Variants in CNTN5 observed in about 807,000 individuals in gnomAD.
CNTN5 encodes the protein contactin 5.
Under a neutral mutation model 129.1 loss-of-function variants are expected in CNTN5, and 77 were observed. That is an observed-to-expected ratio of 0.60 (90% CI 0.50 to 0.72). The LOEUF (loss-of-function observed/expected upper bound fraction) is 0.72, where lower values mean the gene tolerates loss of function less well. Ranked by LOEUF, CNTN5 falls within the 30% of genes least tolerant of loss-of-function variation. The probability of loss-of-function intolerance (pLI) is 0.00; values close to 1 mark genes in which losing one functional copy is unlikely to be tolerated. For missense variants in CNTN5, 1,478 were observed against 1,328.8 expected (o/e 1.11, Z -1.75); for synonymous variants, 509 against 465.6 (o/e 1.09, Z -1.20).
intron 2 of CNTN5, among the ~76,000 whole-genome samples, chr11:99,332,335 C>A (rs971404657): frequency 6.6e-6 from 1 of 151,920 alleles, no homozygotes; most frequent in African/African-American, 2.4e-5. Flanking sequence ...AAGAAACATG[C>A]TGCATAATAA....
At chr11:99,369,217 AAT>A (rs3990844) in intron 2 of CNTN5, among the ~76,000 whole-genome samples, 8 of 135,734 alleles carry the variant, frequency 5.9e-5, no homozygotes, top group Non-Finnish European at 9.4e-5. Context: ...TATTATATAT[AAT>A]ATATATATAT....
intron 2 of CNTN5, among the ~76,000 whole-genome samples, chr11:99,378,484 A>T (rs1342223424): frequency 6.6e-6 from 1 of 152,100 alleles, no homozygotes; most frequent in African/African-American, 2.4e-5. Context: ...TTATACAGGA[A>T]AGGCAAGCAT....
At chr11:100,166,712 G>A (rs1947648879) in intron 13 of CNTN5, among the ~76,000 whole-genome samples, 1 of 151,122 alleles carries the variant, frequency 6.6e-6, no homozygotes, top group Non-Finnish European at 1.5e-5. Context: ...AAGGAAAGTA[G>A]TTACTAGCTT....
chr11:99,132,779 T>G (rs1222888947), intron 1 of CNTN5, among the ~76,000 whole-genome samples: 1 of 152,156 alleles, frequency 6.6e-6, no homozygotes, highest in African/African-American at 2.4e-5. Context: ...GGAGAAACAT[T>G]ACATACTCAT....
intron 20 of CNTN5, among the ~76,000 whole-genome samples, chr11:100,303,587 CCTT>C (rs1951280861): frequency 8.6e-6 from 1 of 116,194 alleles, no homozygotes. Flanking sequence ...TATCCTTTAT[CCTT>C]TCTAGTTTTC....
At chr11:99,387,420 T>A (rs567367346) in intron 2 of CNTN5, among the ~76,000 whole-genome samples, 1 of 152,356 alleles carries the variant, frequency 6.6e-6, no homozygotes, top group Non-Finnish European at 1.5e-5. Flanking sequence ...GTTAAATAGA[T>A]GATAATTCCA....
chr11:100,268,972 C>A (rs1950358035), intron 17 of CNTN5, among the ~76,000 whole-genome samples: 1 of 152,030 alleles, frequency 6.6e-6, no homozygotes, highest in Admixed American at 6.6e-5. Flanking sequence ...GGAAGAGGTT[C>A]ATTAAAAATA....
chr11:99,489,328 C>A lies in CNTN5; in HGVS notation c.-70-66817C>A, dbSNP rs139090127. 2.1e-3 allele frequency among the ~76,000 whole-genome samples: 324 copies of A among 152,190 alleles called. 2 individuals are homozygous for A. The highest frequency in any genetic ancestry group is 3.4e-3 in the Middle Eastern group (1 of 294). ...AAATCAGCCTTCAAATGCAATAGAGCGTTATTTATTCTGGTATATAAGCAT... is the reference window on the plus strand; with the variant it reads ...AAATCAGCCTTCAAATGCAATAGAGAGTTATTTATTCTGGTATATAAGCAT... On this transcript the variant is annotated intron_variant, in intron 2 of 24. Transcript: ENST00000524871.
At chr11:100,044,276 C>A (rs926682348) in intron 9 of CNTN5, among the ~76,000 whole-genome samples, 1 of 151,880 alleles carries the variant, frequency 6.6e-6, no homozygotes, top group South Asian at 2.1e-4. Context: ...TGTCAACAGT[C>A]CCGTGATAAA....
At chr11:100,354,129 G>A (rs72989619) in intron 24 of CNTN5, among the ~76,000 whole-genome samples, 7,086 of 151,514 alleles carry the variant, frequency 0.047, 226 homozygotes, top group Middle Eastern at 0.1. Context: ...CCTGCAAGAG[G>A]AGAATAAATA....
chr11:99,289,524 G>A (rs1042847441), intron 1 of CNTN5, among the ~76,000 whole-genome samples: 1 of 151,630 alleles, frequency 6.6e-6, no homozygotes, highest in Non-Finnish European at 1.5e-5. Context: ...ACTAAAATAT[G>A]TGATTTTTCC....
rs1481422536 is a variant in CNTN5 at position 99,841,894 on chromosome 11, A to AT, written c.278-2957dup. Among the ~76,000 whole-genome samples the AT allele has an allele frequency of 2.7e-4, 26 of 94,636 alleles. No individual in the cohort carries two copies. In the East Asian group the frequency reaches 0.011, roughly 41 times the overall value. 62.1% of individuals were successfully genotyped at this position (94,636 alleles called of 152,430 possible). On this transcript the variant is annotated intron_variant, in intron 4 of 24. Transcript: ENST00000524871. ...TATACACATACATATACATATATAT[A>AT]TATTTTTTTTTTATGGAGTTTCACT...
intron 1 of CNTN5, among the ~76,000 whole-genome samples, chr11:99,178,073 T>C (rs1857865219): frequency 6.6e-6 from 1 of 151,984 alleles, no homozygotes; most frequent in African/African-American, 2.4e-5. Context: ...TATGTAACCG[T>C]ACATGAAGTG....
chr11:99,026,742 C>A lies in CNTN5; in HGVS notation c.-210+5472C>A, dbSNP rs1051313675. On this transcript the variant is annotated intron_variant, in intron 1 of 24. Transcript: ENST00000524871. ...GTATAAAAAGGTGAAGTGATGTGTT[C>A]AACATTGCAAGTAATGCAAAAGATG... Among the ~76,000 whole-genome samples the A allele has an allele frequency of 4.0e-5, 6 of 151,564 alleles. No individual in the cohort carries two copies. The East Asian group carries it at 1.2e-3, about 29-fold the overall frequency.
chr11:100,134,992 T>C lies in CNTN5; in HGVS notation c.1581-56134T>C, dbSNP rs551360990. On this transcript the variant is annotated intron_variant, in intron 13 of 24. Coordinates refer to ENST00000524871, the MANE Select transcript of CNTN5 (RefSeq NM_014361.4). ...GCTTGTATGTAGATAACTCTCAGTA[T>C]ATATTGGTTTGATTAATTGTTAATT... is the stretch of plus-strand genomic sequence containing the variant. Among the ~76,000 whole-genome samples the C allele has an allele frequency of 9.2e-5, 14 of 152,266 alleles. No homozygotes were observed. The East Asian group carries it at 2.3e-3, about 25-fold the overall frequency.
intron 13 of CNTN5, among the ~76,000 whole-genome samples, chr11:100,087,070 A>G (rs1255828749): frequency 6.6e-6 from 1 of 151,744 alleles, no homozygotes; most frequent in African/African-American, 2.4e-5. Context: ...GGTAAAGTCA[A>G]ATATTGATAC....
chr11:99,055,727 A>G (rs1448135001), intron 1 of CNTN5, among the ~76,000 whole-genome samples: 1 of 152,016 alleles, frequency 6.6e-6, no homozygotes, highest in East Asian at 1.9e-4. Context: ...GCCTCTAGAT[A>G]TCTGCTTATT....
chr11:99,545,066 T>C (rs1376145247), intron 2 of CNTN5, among the ~76,000 whole-genome samples: 1 of 152,224 alleles, frequency 6.6e-6, no homozygotes, highest in Non-Finnish European at 1.5e-5. Context: ...AACTATAGTA[T>C]ATATTTTTAC....
At chr11:99,039,552 G>A (rs968929169) in intron 1 of CNTN5, among the ~76,000 whole-genome samples, 3 of 152,162 alleles carry the variant, frequency 2.0e-5, no homozygotes, top group South Asian at 2.1e-4. Context: ...CCCTTGAGAT[G>A]AGAGGAAAAG....
Sources: allele counts gnomAD v4.1 joint callset (sites outside exome capture counted in the v4.1 genomes callset), GRCh38; gene constraint gnomAD v4.1.1; transcripts MANE v1.5; gene names NCBI Gene and HGNC (gene_info 2026-07-23, HGNC 2026-07-21).